Variants in OSBPL10 observed in about 807,000 individuals in gnomAD.
The protein encoded by OSBPL10 is oxysterol binding protein like 10.
Under a neutral mutation model 81.7 loss-of-function variants are expected in OSBPL10, and 49 were observed. The observed-to-expected ratio is 0.60, with a 90% confidence interval of 0.48 to 0.76. The LOEUF (loss-of-function observed/expected upper bound fraction) is 0.76. Among genes scored for constraint, OSBPL10 ranks in the 30% least tolerant of loss-of-function variants. The pLI, the probability that OSBPL10 is intolerant of heterozygous loss-of-function variation, is 0.00. For missense variants in OSBPL10, 923 were observed against 987.8 expected, an observed-to-expected ratio of 0.93 and a Z score of 0.88; for synonymous variants, 419 against 383.6, an observed-to-expected ratio of 1.09 and a Z score of -1.08.
chr3:31,989,630 A>G (rs1670340847), intron 2 of OSBPL10: 2 of 1,614,210 alleles, frequency 1.2e-6, no homozygotes, highest in South Asian at 1.1e-5. Flanking sequence ...AAGTCTATCA[A>G]CGATGCTTCC....
At chr3:31,876,597 G>C in intron 2 of OSBPL10, 85 bp from the exon 3 acceptor site, 1 of 1,168,740 alleles carries the variant, frequency 8.6e-7, no homozygotes, top group South Asian at 1.3e-5. Context: ...ACCTAAGGGG[G>C]TGGGGAGCCT....
At chr3:31,872,772 C>T (rs1266060445) in intron 3 of OSBPL10, among the ~76,000 whole-genome samples, 1 of 152,056 alleles carries the variant, frequency 6.6e-6, no homozygotes. Context: ...CAGGTGTGCA[C>T]CACCATGCCC....
rs34579457 is a variant in OSBPL10 at position 31,761,813 on chromosome 3, T to TAAAAAA, written c.730-13699_730-13694dup. ...CTGGGCAACAGAGCAAGACTGTCTC[T>TAAAAAA]AAAAAAAAAAAAAAAAAACCCTAAA... On this transcript the variant is annotated intron_variant, in intron 4 of 11. Transcript: ENST00000396556. 1.1e-3 allele frequency among the ~76,000 whole-genome samples: 115 copies of TAAAAAA among 107,496 alleles called. 9 individuals carry two copies. The highest frequency in any genetic ancestry group is 6.5e-3 in the African/African-American group (102 of 15,672). 70.5% of individuals were successfully genotyped at this position (107,496 alleles called of 152,430 possible). A position where few individuals can be genotyped will look rare whatever the true frequency, so the allele number is the denominator to read the frequency against.
upstream of OSBPL10, among the ~76,000 whole-genome samples, chr3:31,984,393 T>C (rs866837979): frequency 6.6e-5 from 10 of 150,748 alleles, no homozygotes; most frequent in Admixed American, 2.6e-4. Flanking sequence ...GGGCTAAGGA[T>C]GGGGAAGCTG....
chr3:31,880,510 T>C (rs1695535129), intron 1 of OSBPL10, among the ~76,000 whole-genome samples: 1 of 152,234 alleles, frequency 6.6e-6, no homozygotes, highest in African/African-American at 2.4e-5. Flanking sequence ...ATCTGGCCTG[T>C]TAATTTTCTC....
At chr3:31,945,407 T>C (rs1472843944) in intron 1 of OSBPL10, among the ~76,000 whole-genome samples, 1 of 152,164 alleles carries the variant, frequency 6.6e-6, no homozygotes, top group East Asian at 1.9e-4. Flanking sequence ...AGTCAGTCAG[T>C]GACATACGAT....
chr3:31,731,712 C>T (rs1696977605), intron 6 of OSBPL10, among the ~76,000 whole-genome samples: 1 of 152,182 alleles, frequency 6.6e-6, no homozygotes, highest in Admixed American at 6.5e-5. Flanking sequence ...TGGTCTCAAA[C>T]TCCTGACCTC....
At chr3:31,796,993 A>ATTTTTTT (rs71097443) in intron 4 of OSBPL10, among the ~76,000 whole-genome samples, 6 of 123,604 alleles carry the variant, frequency 4.9e-5, no homozygotes, top group East Asian at 2.3e-4. Flanking sequence ...ATTTTTATTA[A>ATTTTTTT]TTTTTTTTTT....
chr3:31,965,698 A>AATATATTATATAAAATATATAATATAAT lies in OSBPL10; in HGVS notation c.281+15173_281+15200dup, dbSNP rs1559535175. 3.9e-3 allele frequency among the ~76,000 whole-genome samples: 163 copies of AATATATTATATAAAATATATAATATAAT among 42,270 alleles called. 21 individuals are homozygous for AATATATTATATAAAATATATAATATAAT. Among genetic ancestry groups the AATATATTATATAAAATATATAATATAAT allele is most frequent in the African/African-American group, 0.034 (151 of 4,450 alleles). 27.7% of individuals were successfully genotyped at this position (42,270 alleles called of 152,430 possible). ...ATAATATATATTATATAAAATATAT[A>AATATATTATATAAAATATATAATATAAT]ATATATTATATAAAATATATAATAT... On this transcript the variant is annotated intron_variant, in intron 1 of 11. Transcript: ENST00000396556.
chr3:31,960,430 A>C (rs1559532822), intron 1 of OSBPL10: 1 of 152,190 alleles, frequency 6.6e-6, no homozygotes, highest in Non-Finnish European at 1.5e-5. Flanking sequence ...CATTTGCATC[A>C]ATTAGGATTA....
In OSBPL10 at chr3:31,974,170, G is replaced by A. The variant is rs74746453; in HGVS notation, c.281+6729C>T. Among the ~76,000 whole-genome samples the A allele has an allele frequency of 0.011, 1,632 of 152,300 alleles. 91 individuals carry two copies. The East Asian group carries it at 0.18, about 17-fold the overall frequency. ...TGCAAAACATGACATCCCAATGGCC[G>A]ATTAATACGTGAAAACATGTTCAGC... On this transcript the variant is annotated intron_variant, in intron 1 of 11. Coordinates refer to ENST00000396556, the MANE Select transcript of OSBPL10 (RefSeq NM_017784.5).
intron 2 of OSBPL10, chr3:31,989,737 A>C: frequency 6.2e-7 from 1 of 1,614,170 alleles, no homozygotes; most frequent in Non-Finnish European, 8.5e-7. Flanking sequence ...ACTCACACTA[A>C]AACAGGAAGT....
At chr3:31,946,673 C>G (rs1015499951) in intron 1 of OSBPL10, among the ~76,000 whole-genome samples, 1 of 152,198 alleles carries the variant, frequency 6.6e-6, no homozygotes, top group Non-Finnish European at 1.5e-5. Context: ...GACAAGGCAT[C>G]TGCCCGGCTA....
chr3:31,951,357 AAC>A (rs540605477), intron 1 of OSBPL10, among the ~76,000 whole-genome samples: 3 of 151,932 alleles, frequency 2.0e-5, no homozygotes, highest in Non-Finnish European at 2.9e-5. Flanking sequence ...ACAGAGAGAT[AAC>A]ACACATTATT....
At chr3:31,836,374 T>C (rs1472637548) in intron 3 of OSBPL10, among the ~76,000 whole-genome samples, 1 of 152,036 alleles carries the variant, frequency 6.6e-6, no homozygotes, top group Non-Finnish European at 1.5e-5. Flanking sequence ...AAACACACTG[T>C]CCTGAATCTA....
chr3:31,694,482 T>C (rs551904649), intron 7 of OSBPL10, among the ~76,000 whole-genome samples: 158 of 152,130 alleles, frequency 1.0e-3, no homozygotes, highest in Non-Finnish European at 1.1e-3. Flanking sequence ...ATTATTTTAA[T>C]TTTTTAAAAA....
chr3:31,742,712 T>C (rs908645079), intron 5 of OSBPL10, among the ~76,000 whole-genome samples: 1 of 152,064 alleles, frequency 6.6e-6, no homozygotes, highest in Non-Finnish European at 1.5e-5. Flanking sequence ...TGCAAGCAAA[T>C]AGCAAATCAA....
chr3:31,940,820 A>G (rs1697513917), intron 1 of OSBPL10, among the ~76,000 whole-genome samples: 1 of 152,098 alleles, frequency 6.6e-6, no homozygotes, highest in Admixed American at 6.5e-5. Context: ...TTGTATTTTT[A>G]GTAGAGACGG....
At chr3:31,792,718 A>G (rs1699050628) in intron 4 of OSBPL10, among the ~76,000 whole-genome samples, 1 of 138,520 alleles carries the variant, frequency 7.2e-6, no homozygotes, top group South Asian at 2.3e-4. Flanking sequence ...TGTGTTTTAC[A>G]CTCTCAGCTA....
Sources: allele counts gnomAD v4.1 joint callset (sites outside exome capture counted in the v4.1 genomes callset), GRCh38; gene constraint gnomAD v4.1.1; transcripts MANE v1.5; gene names NCBI Gene and HGNC (gene_info 2026-07-23, HGNC 2026-07-21).